Variants in LRRC4C observed in about 807,000 individuals in gnomAD.
The protein encoded by LRRC4C is leucine rich repeat containing 4C, also known as leucine-rich repeat-containing protein 4C.
LRRC4C carries 5 observed loss-of-function variants against 33.6 expected under a neutral mutation model. The observed-to-expected ratio is 0.15, with a 90% CI of 0.08 to 0.31. The LOEUF is 0.31. Ranked by LOEUF, LRRC4C falls within the 10% of genes least tolerant of loss-of-function variation. The pLI is 1.00. For missense variants in LRRC4C, 560 were observed against 796.7 expected (o/e 0.70, Z 3.58); for synonymous variants, 329 against 302.0 (o/e 1.09, Z -0.93).
intron 1 of LRRC4C, among the ~76,000 whole-genome samples, chr11:41,034,604 GACGT>G (rs1256704521): frequency 4.6e-5 from 2 of 43,426 alleles, no homozygotes; most frequent in African/African-American, 6.2e-5. Context: ...AAAATATGGT[GACGT>G]ATATATATAT....
intron 1 of LRRC4C, among the ~76,000 whole-genome samples, chr11:41,049,160 G>A (rs541118704): frequency 6.6e-6 from 1 of 152,296 alleles, no homozygotes; most frequent in African/African-American, 2.4e-5. Context: ...GGAGGGACCT[G>A]GTGAGAGATA....
At chr11:40,858,568 G>T (rs1953917117) in intron 2 of LRRC4C, among the ~76,000 whole-genome samples, 1 of 151,584 alleles carries the variant, frequency 6.6e-6, no homozygotes, top group Non-Finnish European at 1.5e-5. Flanking sequence ...GGTGTTGCAT[G>T]CCTGTAACAC....
chr11:40,982,555 G>T (rs1055960883), intron 1 of LRRC4C, among the ~76,000 whole-genome samples: 3 of 152,092 alleles, frequency 2.0e-5, no homozygotes, highest in African/African-American at 7.2e-5. Flanking sequence ...TTGAGATGGG[G>T]CTCAAAATTC....
At chr11:40,509,383 C>A (rs1040157142) in intron 3 of LRRC4C, among the ~76,000 whole-genome samples, 1 of 152,096 alleles carries the variant, frequency 6.6e-6, no homozygotes, top group Non-Finnish European at 1.5e-5. Context: ...TACAGTTTAT[C>A]TTCTACATGA....
At chr11:40,768,532 AC>A (rs769858709) in intron 2 of LRRC4C, among the ~76,000 whole-genome samples, 3 of 152,112 alleles carry the variant, frequency 2.0e-5, no homozygotes, top group East Asian at 3.9e-4. Context: ...AGAAAAGGAG[AC>A]ACCACAAAAA....
chr11:40,401,163 T>A (rs889219966), intron 3 of LRRC4C, among the ~76,000 whole-genome samples: 2 of 129,364 alleles, frequency 1.5e-5, no homozygotes, highest in Admixed American at 1.6e-4. Flanking sequence ...ATAGGCTTAA[T>A]TATTAAAAAA....
intron 3 of LRRC4C, among the ~76,000 whole-genome samples, chr11:40,463,822 T>G (rs188183477): frequency 6.6e-6 from 1 of 152,180 alleles, no homozygotes; most frequent in Admixed American, 6.6e-5. Flanking sequence ...AATCCATCAT[T>G]TCTAAACTTA....
Position 40,458,035 on chromosome 11 carries a change from G to T in LRRC4C, c.-269-138314C>A, listed in dbSNP as rs563626319. ...AAAGTAATGTAGATAAAAGTGGTTT[G>T]TGCAACTTCCAGGAAATATATTTAA... On this transcript the variant is annotated intron_variant, in intron 3 of 6. Transcript: ENST00000528697. 7.2e-5 allele frequency among the ~76,000 whole-genome samples: 11 copies of T among 152,234 alleles called. No homozygotes were observed. In the South Asian group the frequency reaches 1.7e-3, roughly 23 times the overall value.
chr11:40,555,501 C>T (rs965732272), intron 3 of LRRC4C, among the ~76,000 whole-genome samples: 1 of 152,196 alleles, frequency 6.6e-6, no homozygotes, highest in Non-Finnish European at 1.5e-5. Flanking sequence ...TTTTATGAAC[C>T]TTTCTTGCTC....
At chr11:41,297,117 T>G (rs1950165300) in intron 1 of LRRC4C, among the ~76,000 whole-genome samples, 1 of 152,240 alleles carries the variant, frequency 6.6e-6, no homozygotes, top group Non-Finnish European at 1.5e-5. Context: ...GTCAAATGTT[T>G]CTTTCTCTGT....
At chr11:40,168,591 C>T (rs1859792138) in intron 5 of LRRC4C, among the ~76,000 whole-genome samples, 16 of 152,190 alleles carry the variant, frequency 1.1e-4, no homozygotes, top group Non-Finnish European at 1.5e-5. Flanking sequence ...CTGCCTTTAT[C>T]TCAGCCACAT....
At chr11:40,149,467 C>T in intron 5 of LRRC4C, among the ~76,000 whole-genome samples, 1 of 151,936 alleles carries the variant, frequency 6.6e-6, no homozygotes, top group East Asian at 1.9e-4. Flanking sequence ...GGATTATGTT[C>T]CTGATTTGGC....
At chr11:40,955,750 G>A (rs1369570044) in intron 1 of LRRC4C, among the ~76,000 whole-genome samples, 1 of 151,812 alleles carries the variant, frequency 6.6e-6, no homozygotes, top group Non-Finnish European at 1.5e-5. Flanking sequence ...TCTTGCTTTG[G>A]AAAATGCAGA....
At chr11:40,235,822 A>G (rs1442294516) in intron 5 of LRRC4C, among the ~76,000 whole-genome samples, 1 of 152,144 alleles carries the variant, frequency 6.6e-6, no homozygotes, top group Non-Finnish European at 1.5e-5. Context: ...CTTCAACCCA[A>G]TTCCATGGAT....
intron 3 of LRRC4C, among the ~76,000 whole-genome samples, chr11:40,546,759 C>A (rs1048628867): frequency 6.6e-6 from 1 of 152,010 alleles, no homozygotes; most frequent in Non-Finnish European, 1.5e-5. Context: ...TCCAAATAAT[C>A]TAATTTAGTT....
At chr11:40,787,230 T>C (rs542011664) in intron 2 of LRRC4C, among the ~76,000 whole-genome samples, 4 of 151,582 alleles carry the variant, frequency 2.6e-5, no homozygotes, top group South Asian at 4.2e-4. Flanking sequence ...GGTAAAATTG[T>C]CTGTCACACA....
chr11:40,453,034 G>T (rs1285664255), intron 3 of LRRC4C, among the ~76,000 whole-genome samples: 1 of 149,866 alleles, frequency 6.7e-6, no homozygotes, highest in Non-Finnish European at 1.5e-5. Flanking sequence ...ACTGTTGTGG[G>T]GTTGGGGGAG....
intron 1 of LRRC4C, among the ~76,000 whole-genome samples, chr11:40,965,484 G>T (rs1329149409): frequency 1.3e-5 from 2 of 152,082 alleles, no homozygotes; most frequent in African/African-American, 4.8e-5. Flanking sequence ...TTTTCTTCTA[G>T]GGTTTTTATG....
chr11:41,230,410 TA>T (rs1243311555), intron 1 of LRRC4C, among the ~76,000 whole-genome samples: 1 of 152,064 alleles, frequency 6.6e-6, no homozygotes, highest in African/African-American at 2.4e-5. Context: ...CCTCAATCCC[TA>T]CCTTCAGTGG....
Sources: allele counts gnomAD v4.1 joint callset (sites outside exome capture counted in the v4.1 genomes callset), GRCh38; gene constraint gnomAD v4.1.1; transcripts MANE v1.5; gene names NCBI Gene and HGNC (gene_info 2026-07-23, HGNC 2026-07-21).